The following SLC22A23 variants were observed in gnomAD, a reference collection of about 807,000 sequenced individuals.
SLC22A23 encodes the protein ion transporter protein.
Under a neutral mutation model 61.0 loss-of-function variants are expected in SLC22A23, and 26 were observed. The ratio of observed to expected loss-of-function variants is 0.43; its 90% CI spans 0.31 to 0.59. The LOEUF (loss-of-function observed/expected upper bound fraction) is 0.59. Ranked by LOEUF, SLC22A23 falls within the 20% of genes least tolerant of loss-of-function variation. The pLI, the probability that SLC22A23 is intolerant of heterozygous loss-of-function variation, is 0.11. For missense variants in SLC22A23, 796 were observed against 934.7 expected, an observed-to-expected ratio of 0.85 and a Z score of 1.94; for synonymous variants, 430 against 413.9, an observed-to-expected ratio of 1.04 and a Z score of -0.47.
intron 3 of SLC22A23, among the ~76,000 whole-genome samples, chr6:3,373,186 CA>C: frequency 6.6e-6 from 1 of 152,218 alleles, no homozygotes; most frequent in Non-Finnish European, 1.5e-5. Flanking sequence ...ACCAGTCCCA[CA>C]AAACCCCCCG....
At chr6:3,351,697 T>A in intron 3 of SLC22A23, among the ~76,000 whole-genome samples, 1 of 150,638 alleles carries the variant, frequency 6.6e-6, no homozygotes, top group Non-Finnish European at 1.5e-5. Context: ...ACCCATCTCC[T>A]CCCCCAGCCA....
At chr6:3,388,541 C>T (rs1767454484) in intron 3 of SLC22A23, among the ~76,000 whole-genome samples, 1 of 152,206 alleles carries the variant, frequency 6.6e-6, no homozygotes, top group African/African-American at 2.4e-5. Flanking sequence ...TATGACCCAG[C>T]CATCCCACTT....
intron 5 of SLC22A23, among the ~76,000 whole-genome samples, chr6:3,292,803 G>A (rs1335787528): frequency 6.6e-6 from 1 of 152,230 alleles, no homozygotes; most frequent in Non-Finnish European, 1.5e-5. Context: ...GTAGGATGAA[G>A]CGCTGCCTTG....
At chr6:3,452,554 T>C (rs1772199936) in intron 1 of SLC22A23, among the ~76,000 whole-genome samples, 1 of 129,780 alleles carries the variant, frequency 7.7e-6, no homozygotes, top group Non-Finnish European at 1.5e-5. Context: ...AGCTGTGATA[T>C]CGTACCACTG....
At chr6:3,366,925 C>T (rs1444336692) in intron 3 of SLC22A23, among the ~76,000 whole-genome samples, 2 of 152,150 alleles carry the variant, frequency 1.3e-5, no homozygotes, top group Non-Finnish European at 2.9e-5. Context: ...ACTCAACTCC[C>T]CTGGCAGAAA....
At chr6:3,285,137 C>T in intron 7 of SLC22A23, 26 bp from the exon 8 acceptor site, 2 of 1,612,992 alleles carry the variant, frequency 1.2e-6, no homozygotes, top group Non-Finnish European at 8.5e-7. Context: ...TGATCGCACC[C>T]ACACGGACAA....
At position 3,270,491 on chromosome 6, in the gene SLC22A23, C is replaced by A. The variant is rs554729627; in HGVS notation, c.*2564G>T. On this transcript the variant is annotated 3_prime_UTR_variant, in exon 10 of 10. Transcript: ENST00000406686. ...AGGTATCCCTAGGCTGAAGCTGCCACCAAACAGGCACCCGGCCTCCTCCTC... is the reference window on the plus strand; with the variant it reads ...AGGTATCCCTAGGCTGAAGCTGCCAACAAACAGGCACCCGGCCTCCTCCTC... The A allele has an allele frequency of 6.6e-6, 1 of 152,482 alleles. No homozygotes were observed. Among genetic ancestry groups the A allele is most frequent in the South Asian group, 2.1e-4 (1 of 4,826 alleles). The allele number at this position is 152,482 out of a possible 1,614,324, so 9.4% of individuals were successfully genotyped here. A position where few individuals can be genotyped will look rare whatever the true frequency, so the allele number is the denominator to read the frequency against.
rs543462295 is a variant in SLC22A23, at chr6:3,297,129, C to T, written c.1210+962G>A. Among the ~76,000 whole-genome samples the T allele has an allele frequency of 2.0e-5, 3 of 152,328 alleles. No homozygotes were observed. The highest frequency in any genetic ancestry group is 2.1e-4 in the South Asian group (1 of 4,826). On this transcript the variant is annotated intron_variant, in intron 5 of 9. Coordinates refer to ENST00000406686, the MANE Select transcript of SLC22A23 (RefSeq NM_015482.2). This position sits in a 1 kb window ranked among gnomAD's most constrained non-coding sequence, Gnocchi z 4.3. ...GTGTGCCCCACCTGCCTGCAAGTTA[C>T]GTGAGAGCAAGGCTTTGCCTGTGTC...
Position 3,372,398 on chromosome 6 carries a change from A to AG in SLC22A23, c.913+37789dup, listed in dbSNP as rs1766279220. Among the ~76,000 whole-genome samples the AG allele has an allele frequency of 6.6e-6, 1 of 152,194 alleles. No homozygotes were observed. Among genetic ancestry groups the AG allele is most frequent in the South Asian group, 2.1e-4 (1 of 4,832 alleles). On this transcript the variant is annotated intron_variant, in intron 3 of 9. Transcript: ENST00000406686. The surrounding 1 kb of genome is among the most constrained non-coding windows in gnomAD (Gnocchi z 4.7). ...GCTCCTCCTGCTGGCTGTGCTGGGA[A>AG]GGGGGGATGGGCGTGGCTGCTGACA...
chr6:3,411,145 G>C (rs1007833129), intron 2 of SLC22A23, among the ~76,000 whole-genome samples: 13 of 151,842 alleles, frequency 8.6e-5, no homozygotes, highest in African/African-American at 3.2e-4. Context: ...CAAGAATGGG[G>C]AAGTCACCAG....
At chr6:3,368,002 C>T (rs1175048524) in intron 3 of SLC22A23, among the ~76,000 whole-genome samples, 1 of 152,126 alleles carries the variant, frequency 6.6e-6, no homozygotes, top group African/African-American at 2.4e-5. Flanking sequence ...ACCGAGAGAC[C>T]CAGCACCCAT....
chr6:3,359,337 T>C (rs1765298770), intron 3 of SLC22A23, among the ~76,000 whole-genome samples: 1 of 152,178 alleles, frequency 6.6e-6, no homozygotes, highest in Non-Finnish European at 1.5e-5. Flanking sequence ...CACTGAGTGG[T>C]TCTCCTTAGG....
At chr6:3,287,424 T>TA (rs1351641671) in intron 6 of SLC22A23, among the ~76,000 whole-genome samples, 1 of 152,050 alleles carries the variant, frequency 6.6e-6, no homozygotes, top group Admixed American at 6.5e-5. Flanking sequence ...GCTTTCCAGG[T>TA]ACTGACTCAT....
chr6:3,353,592 T>C (rs772979706), intron 3 of SLC22A23, among the ~76,000 whole-genome samples: 3 of 152,158 alleles, frequency 2.0e-5, no homozygotes, highest in Admixed American at 1.3e-4. Context: ...ATCACAAGAC[T>C]AGGGCTACTG....
chr6:3,445,585 G>A (rs1297399582), intron 1 of SLC22A23, among the ~76,000 whole-genome samples: 1 of 152,198 alleles, frequency 6.6e-6, no homozygotes, highest in Non-Finnish European at 1.5e-5. Flanking sequence ...CTTCAGGAGG[G>A]GAGAGAGACG....
Position 3,414,794 on chromosome 6 carries a change from T to C in SLC22A23, c.758+958A>G, listed in dbSNP as rs1769562028. On this transcript the variant is annotated intron_variant, in intron 2 of 9. Transcript: ENST00000406686. This position sits in a 1 kb window ranked among gnomAD's most constrained non-coding sequence, Gnocchi z 5.1. ...GCTGGGGAGACAGTTACACTACGCCTCTCTCCTGAGCAATCTCGCTACTTG... is the reference window on the plus strand; with the variant it reads ...GCTGGGGAGACAGTTACACTACGCCCCTCTCCTGAGCAATCTCGCTACTTG... 6.7e-6 allele frequency among the ~76,000 whole-genome samples: 1 copy of C among 148,492 alleles called. No individual in the cohort carries two copies. Among genetic ancestry groups the C allele is most frequent in the Non-Finnish European group, 1.5e-5 (1 of 67,366 alleles).
chr6:3,430,793 A>C (rs1444642778), intron 1 of SLC22A23, among the ~76,000 whole-genome samples: 1 of 152,214 alleles, frequency 6.6e-6, no homozygotes, highest in Non-Finnish European at 1.5e-5. Flanking sequence ...ATGGCCAGGC[A>C]TAGTGGCTCA....
chr6:3,414,943 G>A lies in SLC22A23; in HGVS notation c.758+809C>T, dbSNP rs1007970901. On this transcript the variant is annotated intron_variant, in intron 2 of 9. Coordinates refer to ENST00000406686, the MANE Select transcript of SLC22A23 (RefSeq NM_015482.2). This position sits in a 1 kb window ranked among gnomAD's most constrained non-coding sequence, Gnocchi z 5.1. ...TCCTGGTGGAGGGGCAGGCTCTGAGGCCACGTGGTGGCTGAGTTTCAAGTT... is the reference window on the plus strand; with the variant it reads ...TCCTGGTGGAGGGGCAGGCTCTGAGACCACGTGGTGGCTGAGTTTCAAGTT... Among the ~76,000 whole-genome samples, 4 of 152,140 alleles carry A rather than the reference G, an allele frequency of 2.6e-5. No homozygotes were observed. In the East Asian group the frequency reaches 7.7e-4, roughly 29 times the overall value.
Position 3,286,236 on chromosome 6 carries a change from C to T in SLC22A23, c.1546+623G>A, listed in dbSNP as rs549063758. On this transcript the variant is annotated intron_variant, in intron 7 of 9. Coordinates refer to ENST00000406686, the MANE Select transcript of SLC22A23 (RefSeq NM_015482.2). This position sits in a 1 kb window ranked among gnomAD's most constrained non-coding sequence, Gnocchi z 4.2. ...GCCTCAGCCTCCTGAGTAGCTGGGA[C>T]TACAGGCGTGTACCACCAAGCCCAG... Among the ~76,000 whole-genome samples the T allele has an allele frequency of 6.6e-6, 1 of 151,920 alleles. No individual in the cohort carries two copies. Among genetic ancestry groups the T allele is most frequent in the Non-Finnish European group, 1.5e-5 (1 of 67,998 alleles).
Sources: allele counts gnomAD v4.1 joint callset (sites outside exome capture counted in the v4.1 genomes callset), GRCh38; gene constraint gnomAD v4.1.1; non-coding constraint Gnocchi (gnomAD v3.1); transcripts MANE v1.5; gene names NCBI Gene and HGNC (gene_info 2026-07-23, HGNC 2026-07-21).